Variants in PTPRD observed in about 807,000 individuals in gnomAD.
The protein encoded by PTPRD is protein tyrosine phosphatase receptor type D, also known as receptor-type tyrosine-protein phosphatase delta.
PTPRD carries 34 observed loss-of-function variants against 214.5 expected under a neutral mutation model. The observed-to-expected ratio is 0.16, with a 90% confidence interval of 0.12 to 0.21. PTPRD has a LOEUF of 0.21. Ranked by LOEUF, PTPRD falls within the 10% of genes least tolerant of loss-of-function variation. PTPRD has a pLI of 1.00. For synonymous variants in PTPRD, 1,128 were observed against 845.7 expected, an observed-to-expected ratio of 1.33 and a Z score of -5.79; for missense variants, 2,545 against 2,398.7, an observed-to-expected ratio of 1.06 and a Z score of -1.27.
In PTPRD at chr9:10,097,989, C is replaced by T. The variant is rs191445977; in HGVS notation, c.-544-64199G>A. Among the ~76,000 whole-genome samples the T allele has an allele frequency of 7.2e-4, 110 of 151,924 alleles. 1 individual carries two copies. Among genetic ancestry groups the T allele is most frequent in the Admixed American group, 4.5e-3 (69 of 15,244 alleles). Reference sequence around the variant, plus strand: ...ACCATTTGACCCAGCCATCCCATTACGGGGTACATACCCAAAGGATTATAA... The same window carrying T: ...ACCATTTGACCCAGCCATCCCATTATGGGGTACATACCCAAAGGATTATAA... On this transcript the variant is annotated intron_variant, in intron 3 of 45. Coordinates refer to ENST00000381196, the MANE Select transcript of PTPRD (RefSeq NM_002839.4).
chr9:8,715,323 A>G (rs1309590506), intron 12 of PTPRD, among the ~76,000 whole-genome samples: 1 of 152,144 alleles, frequency 6.6e-6, no homozygotes, highest in African/African-American at 2.4e-5. Context: ...AGGTTCTCAC[A>G]CCCATTTCAC....
At position 10,209,200 on chromosome 9, in the gene PTPRD, G is replaced by T. The variant is rs73398331; in HGVS notation, c.-545+131763C>A. On this transcript the variant is annotated intron_variant, in intron 3 of 45. Coordinates refer to ENST00000381196, the MANE Select transcript of PTPRD (RefSeq NM_002839.4). Reference sequence around the variant, plus strand: ...TAAGTATAGAATCAACTTTTCCAAGGAGTCCATAATAGCAAGGATTTGGAA... The same window carrying T: ...TAAGTATAGAATCAACTTTTCCAAGTAGTCCATAATAGCAAGGATTTGGAA... Among the ~76,000 whole-genome samples the T allele has an allele frequency of 3.4e-3, 520 of 152,180 alleles. 3 individuals are homozygous for T. The highest frequency in any genetic ancestry group is 0.012 in the African/African-American group (483 of 41,508).
chr9:9,380,739 T>G (rs2061989145), intron 9 of PTPRD, among the ~76,000 whole-genome samples: 1 of 152,116 alleles, frequency 6.6e-6, no homozygotes, highest in African/African-American at 2.4e-5. Context: ...ACTTGCCGTT[T>G]TTCTACCTGA....
intron 2 of PTPRD, among the ~76,000 whole-genome samples, chr9:10,505,752 A>T (rs1320297033): frequency 1.3e-5 from 2 of 152,174 alleles, no homozygotes. Flanking sequence ...ATACTATTTT[A>T]AGTGAGTATA....
chr9:9,223,181 G>A (rs2099957307), intron 9 of PTPRD, among the ~76,000 whole-genome samples: 1 of 151,910 alleles, frequency 6.6e-6, no homozygotes, highest in Non-Finnish European at 1.5e-5. Context: ...TTTTTGGAAG[G>A]GCCCACTGAG....
intron 11 of PTPRD, among the ~76,000 whole-genome samples, chr9:8,774,884 C>A (rs949567802): frequency 1.3e-5 from 2 of 152,152 alleles, no homozygotes; most frequent in South Asian, 4.1e-4. Context: ...AGCAATAATT[C>A]AAATGTTGAT....
intron 9 of PTPRD, among the ~76,000 whole-genome samples, chr9:9,367,514 CT>C (rs2058202602): frequency 6.6e-6 from 1 of 151,452 alleles, no homozygotes; most frequent in African/African-American, 2.4e-5. Flanking sequence ...TTGATAACAA[CT>C]TTGGATGTTT....
intron 9 of PTPRD, among the ~76,000 whole-genome samples, chr9:9,303,171 T>C (rs1419693692): frequency 1.3e-5 from 2 of 152,036 alleles, no homozygotes; most frequent in Admixed American, 6.6e-5. Flanking sequence ...ATATTCGCAA[T>C]GCAAACAGAC....
chr9:9,792,012 T>G (rs2098970995), intron 5 of PTPRD, among the ~76,000 whole-genome samples: 1 of 152,112 alleles, frequency 6.6e-6, no homozygotes, highest in South Asian at 2.1e-4. Context: ...CTAAAGCAAA[T>G]AAAAACTTAA....
At chr9:9,602,016 T>C (rs1045852951) in intron 7 of PTPRD, among the ~76,000 whole-genome samples, 1 of 152,098 alleles carries the variant, frequency 6.6e-6, no homozygotes, top group South Asian at 2.1e-4. Flanking sequence ...TGTGTATGCA[T>C]ATGTGAATAT....
At chr9:8,563,530 G>T (rs1375429589) in intron 14 of PTPRD, among the ~76,000 whole-genome samples, 6 of 149,658 alleles carry the variant, frequency 4.0e-5, no homozygotes, top group Non-Finnish European at 8.9e-5. Flanking sequence ...CTCTGCTCAT[G>T]GGTTCAAGCA....
intron 4 of PTPRD, among the ~76,000 whole-genome samples, chr9:9,953,459 TAAA>T (rs1228085719): frequency 2.7e-5 from 4 of 149,324 alleles, no homozygotes; most frequent in African/African-American, 7.4e-5. Flanking sequence ...GCTACTGAAA[TAAA>T]AAAAATTAAA....
intron 5 of PTPRD, among the ~76,000 whole-genome samples, chr9:9,805,270 G>A (rs911922452): frequency 6.6e-6 from 1 of 152,032 alleles, no homozygotes; most frequent in Non-Finnish European, 1.5e-5. Context: ...AAAGTGCTTT[G>A]CCTAGTGCCC....
At chr9:8,543,283 C>A (rs771266458) in intron 14 of PTPRD, among the ~76,000 whole-genome samples, 1 of 152,172 alleles carries the variant, frequency 6.6e-6, no homozygotes, top group Middle Eastern at 3.2e-3. Context: ...TAATTCTTAA[C>A]AAAGTGACAG....
intron 3 of PTPRD, among the ~76,000 whole-genome samples, chr9:10,161,109 T>G (rs143532553): frequency 6.6e-6 from 1 of 151,830 alleles, no homozygotes; most frequent in African/African-American, 2.4e-5. Context: ...TTCATGAACT[T>G]GAAGAATATT....
intron 8 of PTPRD, among the ~76,000 whole-genome samples, chr9:9,450,620 T>C (rs763142709): frequency 1.3e-5 from 2 of 151,924 alleles, no homozygotes; most frequent in Non-Finnish European, 2.9e-5. Flanking sequence ...TCAGTAAATA[T>C]AGCATGCCTG....
intron 14 of PTPRD, among the ~76,000 whole-genome samples, chr9:8,629,483 T>C (rs779610579): frequency 2.0e-5 from 3 of 151,852 alleles, no homozygotes; most frequent in Non-Finnish European, 4.4e-5. Flanking sequence ...TCCATTTAGA[T>C]GACAATCCCT....
At chr9:8,674,572 T>C (rs1263245448) in intron 12 of PTPRD, among the ~76,000 whole-genome samples, 2 of 151,662 alleles carry the variant, frequency 1.3e-5, no homozygotes, top group Non-Finnish European at 1.5e-5. Flanking sequence ...ACTTTACTTA[T>C]GAAAGCTAAC....
At chr9:10,082,037 A>T (rs191145874) in intron 3 of PTPRD, among the ~76,000 whole-genome samples, 1 of 152,170 alleles carries the variant, frequency 6.6e-6, no homozygotes, top group East Asian at 1.9e-4. Context: ...TACCTCATTA[A>T]AATATCAACA....
Sources: gnomAD v4.1 joint callset for allele counts (sites outside exome capture counted in the v4.1 genomes callset) on GRCh38, gnomAD v4.1.1 for gene constraint, MANE v1.5 for transcripts, NCBI Gene and HGNC (gene_info 2026-07-23, HGNC 2026-07-21) for gene names.